SLC24A4: variants seen among roughly 807,000 people sequenced by gnomAD.
SLC24A4 encodes the protein sodium/potassium/calcium exchanger 4.
A neutral mutation model predicts 79.0 loss-of-function variants in SLC24A4; 53 were observed. The ratio of observed to expected loss-of-function variants is 0.67; its 90% confidence interval spans 0.54 to 0.84. The LOEUF is 0.84. Ranked by LOEUF, SLC24A4 falls within the 40% of genes least tolerant of loss-of-function variation. The probability of loss-of-function intolerance (pLI) is 0.00; values close to 1 mark genes in which losing one functional copy is unlikely to be tolerated. For missense variants in SLC24A4, 731 were observed against 822.0 expected (o/e 0.89, Z 1.35); for synonymous variants, 323 against 323.8 (o/e 1.00, Z 0.03).
In SLC24A4 at chr14:92,496,472, G is replaced by A. The variant is rs1485013972; in HGVS notation, c.*2844G>A. The A allele has an allele frequency of 6.6e-6, 1 of 151,848 alleles. No homozygotes were observed. The highest frequency in any genetic ancestry group is 1.5e-5 in the Non-Finnish European group (1 of 67,974). 9.4% of individuals were successfully genotyped at this position (151,848 alleles called of 1,614,324 possible). On this transcript the variant is annotated 3_prime_UTR_variant, in exon 17 of 17. Transcript: ENST00000532405. The stretch of plus-strand genomic sequence containing the variant: ...ATGAATTTAGCTCTTCTCATTGGGG[G>A]CAGAAAAGAAAAAAAAAACCATTGC...
At chr14:92,342,314 G>GC (rs1310718820) in intron 2 of SLC24A4, among the ~76,000 whole-genome samples, 1 of 144,710 alleles carries the variant, frequency 6.9e-6, no homozygotes, top group African/African-American at 2.8e-5. Flanking sequence ...GGGGCTGTGG[G>GC]GGGGGGGTCT....
At chr14:92,399,764 G>A (rs1889993996) in intron 2 of SLC24A4, among the ~76,000 whole-genome samples, 1 of 152,238 alleles carries the variant, frequency 6.6e-6, no homozygotes, top group Non-Finnish European at 1.5e-5. Flanking sequence ...GACAATTGCA[G>A]TGAAATGTAT....
intron 2 of SLC24A4, among the ~76,000 whole-genome samples, chr14:92,379,975 G>A (rs1888740082): frequency 6.6e-6 from 1 of 152,168 alleles, no homozygotes; most frequent in African/African-American, 2.4e-5. Context: ...GTGTCACATG[G>A]TATCATTGGG....
chr14:92,485,648 C>T (rs1247420622), intron 13 of SLC24A4, among the ~76,000 whole-genome samples: 1 of 151,854 alleles, frequency 6.6e-6, no homozygotes, highest in Non-Finnish European at 1.5e-5. Flanking sequence ...AAGTGTATTT[C>T]CAAAACAACA....
rs1030551739 is a variant in SLC24A4 at position 92,459,060 on chromosome 14, C to T, written c.1255+2452C>T. On this transcript the variant is annotated intron_variant, in intron 12 of 16. Coordinates refer to ENST00000532405, the MANE Select transcript of SLC24A4 (RefSeq NM_153646.4). The stretch of plus-strand genomic sequence containing the variant: ...GAGGGGGCCAGAGCTACCACTGCCC[C>T]GCACTGGCCACTTCACCTGAATCCT... 8.5e-5 allele frequency among the ~76,000 whole-genome samples: 13 copies of T among 152,310 alleles called. No individual in the cohort carries two copies. In the East Asian group the frequency reaches 1.4e-3, roughly 16 times the overall value.
intron 2 of SLC24A4, among the ~76,000 whole-genome samples, chr14:92,391,961 G>T (rs115538755): frequency 1.3e-5 from 2 of 152,120 alleles, no homozygotes; most frequent in Non-Finnish European, 2.9e-5. Context: ...TGAGAACCAC[G>T]CTTCCTGACC....
chr14:92,362,854 G>C (rs1471598072), intron 2 of SLC24A4, among the ~76,000 whole-genome samples: 1 of 152,182 alleles, frequency 6.6e-6, no homozygotes, highest in Non-Finnish European at 1.5e-5. Flanking sequence ...CGGCAGCTCC[G>C]GGCGGGATCA....
intron 4 of SLC24A4, among the ~76,000 whole-genome samples, chr14:92,440,304 G>C (rs2139807082): frequency 6.6e-6 from 1 of 152,326 alleles, no homozygotes; most frequent in Non-Finnish European, 1.5e-5. Context: ...CCAGACGCTT[G>C]TCAGTGAGGG....
chr14:92,496,228 T>C lies in SLC24A4; in HGVS notation c.*2600T>C. ...AATGTAACTTCCTTTAAAGGATCTA[T>C]GCATTTATTAAATCTGGAAAACTAT... On this transcript the variant is annotated 3_prime_UTR_variant, in exon 17 of 17. Coordinates refer to ENST00000532405, the MANE Select transcript of SLC24A4 (RefSeq NM_153646.4). 1 of 152,694 alleles carries C rather than the reference T, an allele frequency of 6.5e-6. No individual in the cohort carries two copies. Among genetic ancestry groups the C allele is most frequent in the East Asian group, 1.9e-4 (1 of 5,198 alleles). The allele number at this position is 152,694 out of a possible 1,614,324, so 9.5% of individuals were successfully genotyped here.
At chr14:92,459,931 G>A (rs1893703103) in intron 12 of SLC24A4, among the ~76,000 whole-genome samples, 1 of 152,114 alleles carries the variant, frequency 6.6e-6, no homozygotes, top group African/African-American at 2.4e-5. Flanking sequence ...GCCTGGGGCT[G>A]CAGGATGGCT....
chr14:92,371,621 C>T (rs1025346737), intron 2 of SLC24A4, among the ~76,000 whole-genome samples: 3 of 152,178 alleles, frequency 2.0e-5, no homozygotes, highest in African/African-American at 7.2e-5. Flanking sequence ...CATTTTGCCA[C>T]CCCATTCGGG....
At chr14:92,374,417 G>A (rs746952053) in intron 2 of SLC24A4, among the ~76,000 whole-genome samples, 4 of 152,204 alleles carry the variant, frequency 2.6e-5, no homozygotes, top group Non-Finnish European at 5.9e-5. Context: ...TCAATGGTAT[G>A]CGAACAGTCA....
At chr14:92,474,827 A>ATGTGTGTGTGTGTGTGTGTGTGTG (rs1484148777) in intron 12 of SLC24A4, among the ~76,000 whole-genome samples, 1 of 77,328 alleles carries the variant, frequency 1.3e-5, no homozygotes, top group African/African-American at 4.7e-5. Context: ...ATATACATAT[A>ATGTGTGTGTGTGTGTGTGTGTGTG]TATGTGTGTG....
Position 92,325,455 on chromosome 14 carries a change from C to G in SLC24A4, c.131-413C>G, listed in dbSNP as rs147060276. 2.9e-3 allele frequency among the ~76,000 whole-genome samples: 445 copies of G among 152,356 alleles called. 3 individuals carry two copies. Among genetic ancestry groups the G allele is most frequent in the African/African-American group, 0.01 (435 of 41,576 alleles). On this transcript the variant is annotated intron_variant, in intron 1 of 16. Transcript: ENST00000532405. Reference sequence around the variant, plus strand: ...TGTGCACATTCAAGTGTGAGGAGCACTGGGCCAGACCGCATCAGCCTTGCC... The same window carrying G: ...TGTGCACATTCAAGTGTGAGGAGCAGTGGGCCAGACCGCATCAGCCTTGCC...
At position 92,500,345 on chromosome 14, in the gene SLC24A4, C is replaced by T. The variant is rs539457367; in HGVS notation, c.*6717C>T. On this transcript the variant is annotated 3_prime_UTR_variant, in exon 17 of 17. Coordinates refer to ENST00000532405, the MANE Select transcript of SLC24A4 (RefSeq NM_153646.4). ...ACCTTTGTGCCTAAAGGGAATGTCC[C>T]AAACAACAGAGCCTTCTTTGCTGTC... 2 of 152,338 alleles carry T rather than the reference C, an allele frequency of 1.3e-5. No homozygotes were observed. The highest frequency in any genetic ancestry group is 3.9e-4 in the East Asian group (2 of 5,192). 9.4% of individuals were successfully genotyped at this position (152,338 alleles called of 1,614,324 possible).
chr14:92,335,815 T>G (rs1376081940), intron 2 of SLC24A4, among the ~76,000 whole-genome samples: 1 of 152,196 alleles, frequency 6.6e-6, no homozygotes, highest in East Asian at 1.9e-4. Flanking sequence ...TACTCATAAC[T>G]ATTAATAAGT....
chr14:92,402,556 A>G (rs968012810), intron 2 of SLC24A4, among the ~76,000 whole-genome samples: 1 of 152,158 alleles, frequency 6.6e-6, no homozygotes, highest in African/African-American at 2.4e-5. Context: ...GTCAATTTTC[A>G]TGGTGCTGAT....
intron 2 of SLC24A4, among the ~76,000 whole-genome samples, chr14:92,348,065 C>A (rs1354198472): frequency 1.3e-5 from 2 of 152,210 alleles, no homozygotes; most frequent in African/African-American, 4.8e-5. Flanking sequence ...TCTTTGGCAA[C>A]CCTGACATCC....
intron 2 of SLC24A4, among the ~76,000 whole-genome samples, chr14:92,416,286 T>C (rs1470718757): frequency 6.6e-6 from 1 of 152,084 alleles, no homozygotes; most frequent in South Asian, 2.1e-4. Context: ...TGCGTTTCTC[T>C]GTGTTGGCGA....
Sources: allele counts gnomAD v4.1 joint callset (sites outside exome capture counted in the v4.1 genomes callset), GRCh38; gene constraint gnomAD v4.1.1; transcripts MANE v1.5; gene names NCBI Gene and HGNC (gene_info 2026-07-23, HGNC 2026-07-21).